AATK: variants seen among roughly 807,000 people sequenced by gnomAD.
AATK encodes the protein lemur tail kinase 1.
Under a neutral mutation model 114.3 loss-of-function variants are expected in AATK, and 91 were observed. That is an observed-to-expected ratio of 0.80 (90% CI 0.67 to 0.95). The LOEUF (loss-of-function observed/expected upper bound fraction) is 0.95, where lower values mean the gene tolerates loss of function less well. Ranked by LOEUF, AATK falls within the 40% of genes least tolerant of loss-of-function variation. The pLI is 0.00. For synonymous variants in AATK, 1,075 were observed against 916.5 expected (o/e 1.17, Z -3.12); for missense variants, 2,176 against 1,965.2 (o/e 1.11, Z -2.03).
At chr17:81,119,895 G>A (rs2060675530) in intron 12 of AATK, 41 bp downstream of exon 12, 7 of 1,403,018 alleles carry the variant, frequency 5.0e-6, no homozygotes, top group Non-Finnish European at 5.5e-6. Flanking sequence ...ACCAGGCCCT[G>A]CCTCCCGTGA....
chr17:81,159,832 C>T (rs2061409359), intron 1 of AATK, among the ~76,000 whole-genome samples: 2 of 152,142 alleles, frequency 1.3e-5, no homozygotes, highest in Admixed American at 1.3e-4. Flanking sequence ...TCCCCTGCCC[C>T]CCAGCCTGGC....
At chr17:81,141,841 G>A (rs2061141934) in intron 1 of AATK, among the ~76,000 whole-genome samples, 1 of 152,192 alleles carries the variant, frequency 6.6e-6, no homozygotes, top group Admixed American at 6.5e-5. Flanking sequence ...CTCTGCCCAG[G>A]CTAACCCTAG....
intron 7 of AATK, chr17:81,125,336 C>T (rs926211687): frequency 1.3e-5 from 9 of 694,304 alleles, no homozygotes; most frequent in South Asian, 4.2e-5. Flanking sequence ...GACCGGTCCA[C>T]GCTTCTCCAG....
intron 3 of AATK, chr17:81,128,760 G>A: frequency 7.3e-7 from 1 of 1,376,974 alleles, no homozygotes; most frequent in Non-Finnish European, 9.4e-7. Flanking sequence ...GGAGCTGCAG[G>A]ATCCATCCGG....
At chr17:81,138,132 CACAT>C (rs998241631) in intron 1 of AATK, among the ~76,000 whole-genome samples, 3 of 151,188 alleles carry the variant, frequency 2.0e-5, no homozygotes, top group African/African-American at 7.3e-5. Flanking sequence ...ACCCCACACA[CACAT>C]GCACACATAC....
Position 81,120,656 on chromosome 17 carries a change from T to C in AATK, c.3280A>G (p.Ser1094Gly). The C allele has an allele frequency of 1.3e-6, 2 of 1,525,910 alleles. No homozygotes were observed. Among genetic ancestry groups the C allele is most frequent in the South Asian group, 1.3e-5 (1 of 76,784 alleles). 94.5% of individuals were successfully genotyped at this position (1,525,910 alleles called of 1,614,324 possible). A position where few individuals can be genotyped will look rare whatever the true frequency, so the allele number is the denominator to read the frequency against. The part of the protein sequence containing the change: ...QGPAKVRPGP[S>G]PSCSQFFLLT... ...AGGAAAAACTGGGAGCAGCTGGGGC[T>C]GGGCCCAGGCCGCACCTTGGCTGGG... is the stretch of plus-strand genomic sequence containing the variant. Residue 1094 changes from serine to glycine, a missense_variant, in exon 11 of 14, where the codon AGC becomes GGC. Coordinates refer to ENST00000326724, the MANE Select transcript of AATK (RefSeq NM_001080395.3).
chr17:81,125,880 C>T, intron 7 of AATK: 1 of 467,822 alleles, frequency 2.1e-6, no homozygotes, highest in Non-Finnish European at 4.4e-6. Context: ...CTGGCAGCTG[C>T]CCTCTTCAAC....
Position 81,131,712 on chromosome 17 carries a change from C to T in AATK, c.190-507G>A, listed in dbSNP as rs565793583. 4.6e-5 allele frequency among the ~76,000 whole-genome samples: 7 copies of T among 152,272 alleles called. No individual in the cohort carries two copies. In the South Asian group the frequency reaches 1.0e-3, roughly 23 times the overall value. The stretch of plus-strand genomic sequence containing the variant: ...CAGCCACCCACATCCCGAGCAGCCC[C>T]TCACCCCGGGCTGTGCCTGGGGTCC... On this transcript the variant is annotated intron_variant, in intron 2 of 13. Transcript: ENST00000326724.
chr17:81,153,152 C>T (rs1420893878), intron 1 of AATK, among the ~76,000 whole-genome samples: 2 of 152,188 alleles, frequency 1.3e-5, no homozygotes, highest in Non-Finnish European at 2.9e-5. Flanking sequence ...TCCATCCCCA[C>T]TGATTTTTAT....
Position 81,122,286 on chromosome 17 carries a change from G to A in AATK, c.1650C>T (p.Cys550=). The A allele has an allele frequency of 4.0e-6, 6 of 1,499,442 alleles. No individual in the cohort carries two copies. The highest frequency in any genetic ancestry group is 5.3e-6 in the Non-Finnish European group (6 of 1,131,434). 92.9% of individuals were successfully genotyped at this position (1,499,442 alleles called of 1,614,324 possible). A position where few individuals can be genotyped will look rare whatever the true frequency, so the allele number is the denominator to read the frequency against. The change falls in exon 11 of 14, where the codon TGC becomes TGT. Residue 550 remains cysteine, a synonymous_variant. Transcript: ENST00000326724. ...AAGHDPDCAG[C]APSPPATADQ... ...CCGCGGTGGCAGGTGGACTGGGGGC[G>A]CAGCCGGCGCAGTCAGGGTCGTGGC...
chr17:81,138,427 A>T (rs2061058764), intron 1 of AATK, among the ~76,000 whole-genome samples: 1 of 144,314 alleles, frequency 6.9e-6, no homozygotes, highest in African/African-American at 2.6e-5. Flanking sequence ...ATACCCATAC[A>T]CATGCAAACA....
At position 81,126,736 on chromosome 17, in the gene AATK, CGTGTCCCCCAGGGCT is replaced by C; in HGVS notation, c.622-191_622-177del. 1 of 1,416,414 alleles carries C rather than the reference CGTGTCCCCCAGGGCT, an allele frequency of 7.1e-7. No individual in the cohort carries two copies. The highest frequency in any genetic ancestry group is 9.2e-7 in the Non-Finnish European group (1 of 1,087,060). The allele number at this position is 1,416,414 out of a possible 1,614,324, so 87.7% of individuals were successfully genotyped here. A position where few individuals can be genotyped will look rare whatever the true frequency, so the allele number is the denominator to read the frequency against. ...CACCCAGCAGTTCCTGGAGGGGGGC[CGTGTCCCCCAGGGCT>C]GGGCTGGACTGAAGGCTTCCTCTCC... On this transcript the variant is annotated intron_variant, in intron 6 of 13. Coordinates refer to ENST00000326724, the MANE Select transcript of AATK (RefSeq NM_001080395.3). This position sits in a 1 kb window ranked among gnomAD's most constrained non-coding sequence, Gnocchi z 5.1.
intron 2 of AATK, chr17:81,133,487 C>T (rs999450301): frequency 7.2e-6 from 2 of 278,230 alleles, no homozygotes; most frequent in African/African-American, 2.3e-5. Context: ...CTCCCACCCT[C>T]CTCCCTCCCT....
Position 81,122,611 on chromosome 17 carries a change from G to A in AATK, c.1325C>T (p.Ala442Val), listed in dbSNP as rs769348971. ...GPMLGGVVEL[A>V]AASSFPLLEQ... Reference sequence around the variant, plus strand: ...CAGCAGCGGGAAGGACGAGGCAGCGGCGAGCTCCACCACGCCGCCCAGCAT... The same window carrying A: ...CAGCAGCGGGAAGGACGAGGCAGCGACGAGCTCCACCACGCCGCCCAGCAT... Residue 442 changes from alanine (A) to valine (V), a missense_variant, in exon 11 of 14, where the codon GCC becomes GTC. Ala to Val is a moderately conservative substitution (Grantham distance 64). Coordinates refer to ENST00000326724, the MANE Select transcript of AATK (RefSeq NM_001080395.3). 2.3e-4 allele frequency: 332 copies of A among 1,423,794 alleles called. No homozygotes were observed. Among genetic ancestry groups the A allele is most frequent in the Admixed American group, 5.1e-4 (20 of 39,436 alleles). The allele number at this position is 1,423,794 out of a possible 1,614,324, so 88.2% of individuals were successfully genotyped here.
intron 1 of AATK, among the ~76,000 whole-genome samples, chr17:81,153,830 G>A (rs2061327792): frequency 6.6e-6 from 1 of 152,122 alleles, no homozygotes; most frequent in Non-Finnish European, 1.5e-5. Flanking sequence ...CAGCACTTTG[G>A]GAGGCTGAGG....
intron 1 of AATK, among the ~76,000 whole-genome samples, chr17:81,162,343 C>T (rs2061437120): frequency 6.6e-6 from 1 of 152,152 alleles, no homozygotes; most frequent in African/African-American, 2.4e-5. Flanking sequence ...TCTGGGGCAT[C>T]CTCTGAGACC....
chr17:81,133,269 G>A, intron 2 of AATK: 1 of 475,434 alleles, frequency 2.1e-6, no homozygotes, highest in Non-Finnish European at 4.3e-6. Context: ...AGGCAAAAAG[G>A]CCACATCCAG....
chr17:81,134,228 C>T (rs980792740), intron 2 of AATK, 140 bp downstream of exon 2: 17 of 1,152,566 alleles, frequency 1.5e-5, no homozygotes, highest in South Asian at 1.5e-5. Context: ...CCACGTGGTC[C>T]CCAGGTGGCC....
intron 2 of AATK, chr17:81,132,648 G>A: frequency 3.3e-6 from 1 of 301,116 alleles, no homozygotes; most frequent in South Asian, 2.5e-5. Context: ...CCGGGCTCCA[G>A]GCATTACCTG....
Sources: gnomAD v4.1 joint callset for allele counts (sites outside exome capture counted in the v4.1 genomes callset) on GRCh38, gnomAD v4.1.1 for gene constraint, Gnocchi (gnomAD v3.1) non-coding constraint, MANE v1.5 for transcripts, NCBI Gene and HGNC (gene_info 2026-07-23, HGNC 2026-07-21) for gene names.